LRMDA: variants seen among roughly 807,000 people sequenced by gnomAD.
The protein encoded by LRMDA is leucine-rich melanocyte differentiation-associated protein.
Under a neutral mutation model 29.8 loss-of-function variants are expected in LRMDA, and 18 were observed. That is an observed-to-expected ratio of 0.60 (90% confidence interval 0.42 to 0.90). LRMDA has a LOEUF of 0.90. Among genes scored for constraint, LRMDA ranks in the 40% least tolerant of loss-of-function variants. The pLI is 0.00. For synonymous variants in LRMDA, 125 were observed against 109.4 expected, an observed-to-expected ratio of 1.14 and a Z score of -0.89; for missense variants, 273 against 273.9, an observed-to-expected ratio of 1.00 and a Z score of 0.02.
At chr10:76,219,816 T>C (rs1851796788) in intron 5 of LRMDA, among the ~76,000 whole-genome samples, 1 of 152,164 alleles carries the variant, frequency 6.6e-6, no homozygotes, top group Non-Finnish European at 1.5e-5. Context: ...AGTATACATT[T>C]TTTTTCAGCA....
intron 2 of LRMDA, among the ~76,000 whole-genome samples, chr10:75,667,931 A>G (rs781409650): frequency 1.3e-5 from 2 of 152,220 alleles, no homozygotes. Flanking sequence ...AAGAAAGTCC[A>G]TCCTCAGTCC....
chr10:75,832,835 C>T (rs561392742), intron 2 of LRMDA, among the ~76,000 whole-genome samples: 3 of 152,132 alleles, frequency 2.0e-5, no homozygotes, highest in Admixed American at 6.5e-5. Flanking sequence ...CATCAGATCT[C>T]GTGAGACCCA....
chr10:76,528,237 G>T (rs1286822569), intron 6 of LRMDA, among the ~76,000 whole-genome samples: 3 of 152,052 alleles, frequency 2.0e-5, no homozygotes, highest in Non-Finnish European at 4.4e-5. Context: ...AGTAATGTTT[G>T]TAACATCAAA....
intron 2 of LRMDA, among the ~76,000 whole-genome samples, chr10:75,805,375 G>A: frequency 6.6e-6 from 1 of 152,222 alleles, no homozygotes; most frequent in African/African-American, 2.4e-5. Context: ...GGAGCCTCTG[G>A]CTTCGTATGG....
At chr10:76,126,530 G>A (rs1295104969) in intron 5 of LRMDA, among the ~76,000 whole-genome samples, 1 of 152,112 alleles carries the variant, frequency 6.6e-6, no homozygotes, top group Non-Finnish European at 1.5e-5. Flanking sequence ...GCTCCTGCTG[G>A]GGTCTTTCAT....
At chr10:75,621,216 A>ACC (rs1554816444) in intron 2 of LRMDA, among the ~76,000 whole-genome samples, 3 of 130,282 alleles carry the variant, frequency 2.3e-5, no homozygotes, top group Non-Finnish European at 5.1e-5. Context: ...ACACACACAC[A>ACC]CACACACACC....
chr10:76,555,903 CCTTT>C (rs1843551185), intron 6 of LRMDA, among the ~76,000 whole-genome samples: 1 of 151,848 alleles, frequency 6.6e-6, no homozygotes, highest in South Asian at 2.1e-4. Context: ...ATGGACATTT[CCTTT>C]CTTTGTTTTT....
At chr10:75,609,046 C>T (rs951192212) in intron 2 of LRMDA, among the ~76,000 whole-genome samples, 5 of 152,152 alleles carry the variant, frequency 3.3e-5, no homozygotes, top group Non-Finnish European at 4.4e-5. Context: ...AGTTTGTTCA[C>T]GGGCCACAAT....
intron 2 of LRMDA, among the ~76,000 whole-genome samples, chr10:76,035,409 CA>C (rs1042774439): frequency 3.3e-5 from 5 of 149,468 alleles, no homozygotes; most frequent in African/African-American, 1.2e-4. Context: ...TGGGCAGAAG[CA>C]AATTAAGTGA....
chr10:76,086,187 C>G (rs538263667), intron 5 of LRMDA, among the ~76,000 whole-genome samples: 18 of 152,176 alleles, frequency 1.2e-4, no homozygotes, highest in Admixed American at 1.2e-3. Flanking sequence ...CTTGCTGGGG[C>G]GCCTGCTAAG....
At chr10:75,679,315 C>G (rs1245354638) in intron 2 of LRMDA, among the ~76,000 whole-genome samples, 1 of 152,060 alleles carries the variant, frequency 6.6e-6, no homozygotes, top group African/African-American at 2.4e-5. Context: ...ATGCATTATC[C>G]TATTTCATTC....
intron 2 of LRMDA, among the ~76,000 whole-genome samples, chr10:75,846,409 T>A (rs1844638475): frequency 1.3e-5 from 2 of 152,142 alleles, no homozygotes. Context: ...TTTCACTGCA[T>A]TTGGTAAAAT....
At chr10:76,515,504 T>C (rs1843051039) in intron 6 of LRMDA, among the ~76,000 whole-genome samples, 1 of 152,040 alleles carries the variant, frequency 6.6e-6, no homozygotes, top group South Asian at 2.1e-4. Context: ...TGAATACACG[T>C]CTTTTTTTCT....
At chr10:76,541,933 T>A (rs76694681) in intron 6 of LRMDA, among the ~76,000 whole-genome samples, 1 of 152,236 alleles carries the variant, frequency 6.6e-6, no homozygotes, top group East Asian at 1.9e-4. Context: ...TCAGGGCAAG[T>A]TGAGTGTAAT....
intron 2 of LRMDA, among the ~76,000 whole-genome samples, chr10:76,017,364 G>A (rs753787850): frequency 7.8e-4 from 118 of 152,232 alleles, no homozygotes; most frequent in Non-Finnish European, 8.4e-4. Context: ...TGCCTTCAGA[G>A]GGAGCGTGGC....
At chr10:75,943,334 C>G (rs1025488034) in intron 2 of LRMDA, among the ~76,000 whole-genome samples, 1 of 152,130 alleles carries the variant, frequency 6.6e-6, no homozygotes, top group Non-Finnish European at 1.5e-5. Context: ...TCCCAACAAC[C>G]TGTGATGAAA....
intron 2 of LRMDA, among the ~76,000 whole-genome samples, chr10:75,896,564 G>C (rs1314158417): frequency 6.6e-6 from 1 of 152,072 alleles, no homozygotes; most frequent in African/African-American, 2.4e-5. Context: ...TTTAACTGTT[G>C]AGAATGTGTC....
At chr10:76,182,116 G>A (rs1159105810) in intron 5 of LRMDA, among the ~76,000 whole-genome samples, 2 of 152,126 alleles carry the variant, frequency 1.3e-5, no homozygotes, top group Non-Finnish European at 2.9e-5. Flanking sequence ...TTGAGACTGG[G>A]TAATTTATAA....
chr10:76,122,883 G>GATT (rs919635920), intron 5 of LRMDA, among the ~76,000 whole-genome samples: 14 of 152,318 alleles, frequency 9.2e-5, no homozygotes, highest in Admixed American at 2.6e-4. Flanking sequence ...GGTCCATGGA[G>GATT]ATTAGCCTTT....
Sources: gnomAD v4.1 joint callset for allele counts (sites outside exome capture counted in the v4.1 genomes callset) on GRCh38, gnomAD v4.1.1 for gene constraint, MANE v1.5 for transcripts, NCBI Gene and HGNC (gene_info 2026-07-23, HGNC 2026-07-21) for gene names.